MDGA2: variants seen among roughly 807,000 people sequenced by gnomAD.
The protein encoded by MDGA2 is MAM domain-containing glycosylphosphatidylinositol anchor protein 2.
MDGA2 carries 40 observed loss-of-function variants against 117.8 expected under a neutral mutation model. The observed-to-expected ratio is 0.34, with a 90% CI of 0.26 to 0.44. The LOEUF (loss-of-function observed/expected upper bound fraction) is 0.44. Ranked by LOEUF, MDGA2 falls within the 20% of genes least tolerant of loss-of-function variation. MDGA2 has a pLI of 1.00. For missense variants in MDGA2, 1,123 were observed against 1,250.6 expected (o/e 0.90, Z 1.54); for synonymous variants, 452 against 439.0 (o/e 1.03, Z -0.37).
At chr14:46,934,255 C>A (rs1212745173) in intron 9 of MDGA2, among the ~76,000 whole-genome samples, 1 of 151,976 alleles carries the variant, frequency 6.6e-6, no homozygotes, top group Non-Finnish European at 1.5e-5. Context: ...AGACACATAC[C>A]AGAATTATGG....
chr14:47,378,358 G>T (rs1300166646), intron 1 of MDGA2, among the ~76,000 whole-genome samples: 1 of 152,198 alleles, frequency 6.6e-6, no homozygotes. Context: ...GCTGGACAGA[G>T]AATGAATTTG....
chr14:47,567,548 T>C (rs1359834519), intron 1 of MDGA2, among the ~76,000 whole-genome samples: 2 of 152,206 alleles, frequency 1.3e-5, no homozygotes, highest in East Asian at 3.9e-4. Flanking sequence ...TGCAAAACAC[T>C]TGTAGGTAAG....
At chr14:46,978,232 A>G (rs1886541880) in intron 8 of MDGA2, among the ~76,000 whole-genome samples, 2 of 151,996 alleles carry the variant, frequency 1.3e-5, no homozygotes, top group South Asian at 2.1e-4. Flanking sequence ...TCTTTTGTCT[A>G]TTATAACAAA....
intron 1 of MDGA2, among the ~76,000 whole-genome samples, chr14:47,669,556 C>T (rs1898038020): frequency 6.6e-6 from 1 of 152,004 alleles, no homozygotes; most frequent in Admixed American, 6.5e-5. Context: ...GTAATATGAC[C>T]AACAAGGACA....
At chr14:47,393,396 T>C (rs1891938817) in intron 1 of MDGA2, among the ~76,000 whole-genome samples, 1 of 38,646 alleles carries the variant, frequency 2.6e-5, no homozygotes, top group African/African-American at 8.2e-5. Flanking sequence ...AGTTTTTAAA[T>C]TGCAATTATT....
At chr14:47,534,168 T>G (rs1053795574) in intron 1 of MDGA2, among the ~76,000 whole-genome samples, 4 of 152,100 alleles carry the variant, frequency 2.6e-5, no homozygotes, top group African/African-American at 9.7e-5. Context: ...TAAGAGTGCT[T>G]TAAAATAGGG....
intron 1 of MDGA2, among the ~76,000 whole-genome samples, chr14:47,462,039 T>G (rs1893497573): frequency 6.6e-6 from 1 of 152,184 alleles, no homozygotes; most frequent in Non-Finnish European, 1.5e-5. Context: ...AGTGATTTTC[T>G]TTGCCATTAA....
chr14:46,984,449 C>T (rs568892225), intron 8 of MDGA2, among the ~76,000 whole-genome samples: 1 of 151,886 alleles, frequency 6.6e-6, no homozygotes, highest in South Asian at 2.1e-4. Flanking sequence ...AATCAAAGCA[C>T]CCATACTATT....
At position 46,870,059 on chromosome 14, in the gene MDGA2, C is replaced by G. The variant is rs576787511; in HGVS notation, c.2752+3374G>C. Among the ~76,000 whole-genome samples the G allele has an allele frequency of 9.2e-5, 14 of 152,044 alleles. 1 individual carries two copies. In the South Asian group the frequency reaches 2.9e-3, roughly 31 times the overall value. ...GCCAAAGGCACTCAGTTGAGCTATA[C>G]TTGTATTGACCCACAGCAACTGTGA... On this transcript the variant is annotated intron_variant, in intron 14 of 16. Coordinates refer to ENST00000399232, the MANE Select transcript of MDGA2 (RefSeq NM_001113498.3).
chr14:47,020,423 G>C (rs547667851), intron 8 of MDGA2, among the ~76,000 whole-genome samples: 2 of 152,264 alleles, frequency 1.3e-5, no homozygotes, highest in East Asian at 1.9e-4. Context: ...AATGAAAAAA[G>C]ATCGGGAATG....
At chr14:46,856,993 T>C (rs940636085) in intron 14 of MDGA2, among the ~76,000 whole-genome samples, 2 of 152,120 alleles carry the variant, frequency 1.3e-5, no homozygotes, top group Admixed American at 6.6e-5. Context: ...TCCTATTCAC[T>C]TCACTTTCTA....
intron 1 of MDGA2, among the ~76,000 whole-genome samples, chr14:47,456,917 C>A (rs1015634232): frequency 8.6e-5 from 13 of 151,120 alleles, no homozygotes; most frequent in African/African-American, 2.2e-4. Flanking sequence ...AAAAAACAAA[C>A]CCTCATGCTC....
intron 10 of MDGA2, among the ~76,000 whole-genome samples, chr14:46,918,746 T>TACATAGAG (rs1883999251): frequency 6.8e-6 from 1 of 147,890 alleles, no homozygotes; most frequent in Admixed American, 6.8e-5. Flanking sequence ...AAGAATATGC[T>TACATAGAG]ACATACAGTG....
chr14:47,239,771 T>C (rs1474431561), intron 2 of MDGA2, among the ~76,000 whole-genome samples: 1 of 151,938 alleles, frequency 6.6e-6, no homozygotes, highest in Non-Finnish European at 1.5e-5. Flanking sequence ...TAATAAATAT[T>C]TGATTGAATA....
At position 47,155,888 on chromosome 14, in the gene MDGA2, C is replaced by CTTTTTTT. The variant is rs55827732; in HGVS notation, c.596-11621_596-11615dup. On this transcript the variant is annotated intron_variant, in intron 3 of 16. Transcript: ENST00000399232. ...ATTCTTTTCTTTTCTTCTTCTTCTT[C>CTTTTTTT]TTTTTTTTTTTTTTTTTTTTTTTTT... Among the ~76,000 whole-genome samples the CTTTTTTT allele has an allele frequency of 3.0e-3, 122 of 40,132 alleles. 10 individuals are homozygous for CTTTTTTT. Among genetic ancestry groups the CTTTTTTT allele is most frequent in the Non-Finnish European group, 3.7e-3 (85 of 23,040 alleles). The allele number at this position is 40,132 out of a possible 152,430, so 26.3% of individuals were successfully genotyped here.
intron 1 of MDGA2, among the ~76,000 whole-genome samples, chr14:47,609,228 A>C (rs1339818765): frequency 6.6e-6 from 1 of 150,460 alleles, no homozygotes; most frequent in Non-Finnish European, 1.5e-5. Context: ...TCGTCTTCTC[A>C]AGTCCCCAAA....
chr14:47,263,354 T>C (rs939492040), intron 2 of MDGA2, among the ~76,000 whole-genome samples: 23 of 152,208 alleles, frequency 1.5e-4, no homozygotes, highest in East Asian at 1.9e-4. Flanking sequence ...TATGATCTCA[T>C]CACCTAAGAA....
At chr14:47,281,557 C>G (rs1053314838) in intron 2 of MDGA2, among the ~76,000 whole-genome samples, 1 of 152,084 alleles carries the variant, frequency 6.6e-6, no homozygotes, top group Non-Finnish European at 1.5e-5. Flanking sequence ...TCTGGTTGCA[C>G]CATTCTTAGG....
chr14:46,900,182 T>C (rs1475325987), intron 10 of MDGA2, among the ~76,000 whole-genome samples: 1 of 152,152 alleles, frequency 6.6e-6, no homozygotes. Context: ...CCTATCAGGA[T>C]GGCTGAGATG....
Sources: allele counts gnomAD v4.1 joint callset (sites outside exome capture counted in the v4.1 genomes callset), GRCh38; gene constraint gnomAD v4.1.1; transcripts MANE v1.5; gene names NCBI Gene and HGNC (gene_info 2026-07-23, HGNC 2026-07-21).